The following ADAMTS17 variants were observed in gnomAD, a reference collection of about 807,000 sequenced individuals.
ADAMTS17 encodes A disintegrin and metalloproteinase with thrombospondin motifs 17.
In ADAMTS17, 113 loss-of-function variants were observed where a neutral mutation model predicts 141.5. That is an observed-to-expected ratio of 0.80 (90% CI 0.69 to 0.93). The LOEUF (loss-of-function observed/expected upper bound fraction) is 0.93, where lower values mean the gene tolerates loss of function less well. Ranked by LOEUF, ADAMTS17 falls within the 40% of genes least tolerant of loss-of-function variation. The pLI is 0.00. For synonymous variants in ADAMTS17, 768 were observed against 630.6 expected, an observed-to-expected ratio of 1.22 and a Z score of -3.27; for missense variants, 1,659 against 1,517.9, an observed-to-expected ratio of 1.09 and a Z score of -1.54.
chr15:100,060,591 C>A (rs1014159066), intron 15 of ADAMTS17, among the ~76,000 whole-genome samples: 1 of 152,178 alleles, frequency 6.6e-6, no homozygotes, highest in Non-Finnish European at 1.5e-5. Context: ...CACAGAAGCC[C>A]GAGTGGGGTT....
At chr15:100,174,946 T>C (rs2040284080) in intron 8 of ADAMTS17, among the ~76,000 whole-genome samples, 2 of 152,052 alleles carry the variant, frequency 1.3e-5, no homozygotes, top group Admixed American at 1.3e-4. Context: ...AGCCTCCCAG[T>C]GTCAATAAAG....
intron 3 of ADAMTS17, among the ~76,000 whole-genome samples, chr15:100,297,838 C>T (rs903653765): frequency 1.2e-4 from 18 of 152,110 alleles, no homozygotes; most frequent in African/African-American, 4.3e-4. Flanking sequence ...AACCACATGG[C>T]TAGATAGAAG....
chr15:99,986,090 A>C (rs1411675703), intron 20 of ADAMTS17, among the ~76,000 whole-genome samples: 1 of 151,524 alleles, frequency 6.6e-6, no homozygotes, highest in Non-Finnish European at 1.5e-5. Flanking sequence ...GGCTGAACTG[A>C]AGTGGCTTGG....
intron 21 of ADAMTS17, among the ~76,000 whole-genome samples, chr15:99,975,564 C>A (rs1446333599): frequency 6.6e-6 from 1 of 152,120 alleles, no homozygotes; most frequent in Non-Finnish European, 1.5e-5. Context: ...GGGGCATGAA[C>A]TGGTAAGAGG....
At chr15:100,034,425 C>T (rs2030498783) in intron 18 of ADAMTS17, among the ~76,000 whole-genome samples, 1 of 152,230 alleles carries the variant, frequency 6.6e-6, no homozygotes, top group Admixed American at 6.5e-5. Flanking sequence ...AGAGGCCTGG[C>T]CGGCCAACAA....
chr15:100,341,257 C>A lies in ADAMTS17; in HGVS notation c.232G>T (p.Glu78Ter). ...GGCAGGTGCAGCAGCAGGGCGCGCT[C>A]TCCGGGCCGGGCGCGCGGGGCGGCT... is the stretch of plus-strand genomic sequence containing the variant. ...PPAAPRARPGERALLLHLPAF... is the reference protein window; with the variant it reads ...PPAAPRARPG The change falls in exon 2 of 22, where the codon GAG becomes TAG. Residue 78 changes from glutamate (E) to a stop codon, truncating the protein, a stop_gained. Transcript: ENST00000268070. LOFTEE classifies it high-confidence loss of function. 7.6e-7 allele frequency: 1 copy of A among 1,314,366 alleles called. No individual in the cohort carries two copies. The highest frequency in any genetic ancestry group is 9.7e-7 in the Non-Finnish European group (1 of 1,030,922). 81.4% of individuals were successfully genotyped at this position (1,314,366 alleles called of 1,614,324 possible). A position where few individuals can be genotyped will look rare whatever the true frequency, so the allele number is the denominator to read the frequency against.
At chr15:100,122,406 T>C (rs185014943) in intron 12 of ADAMTS17, among the ~76,000 whole-genome samples, 14 of 152,296 alleles carry the variant, frequency 9.2e-5, no homozygotes, top group Admixed American at 3.9e-4. Context: ...TAATCCCCAA[T>C]TGCTATGCGG....
chr15:100,273,115 T>A (rs897955754), intron 4 of ADAMTS17, among the ~76,000 whole-genome samples: 2 of 152,186 alleles, frequency 1.3e-5, no homozygotes, highest in African/African-American at 4.8e-5. Context: ...TGAGGACTTT[T>A]ACGTCAATGA....
At chr15:100,334,235 C>A (rs761230886) in intron 2 of ADAMTS17, among the ~76,000 whole-genome samples, 1 of 152,190 alleles carries the variant, frequency 6.6e-6, no homozygotes, top group Non-Finnish European at 1.5e-5. Flanking sequence ...AACGTTAGCA[C>A]ATGTTCTCGG....
intron 15 of ADAMTS17, among the ~76,000 whole-genome samples, chr15:100,094,596 T>C (rs1357595958): frequency 6.6e-6 from 1 of 152,200 alleles, no homozygotes. Flanking sequence ...TTGCCCAGGG[T>C]TGGCGATGGG....
At chr15:99,982,400 C>G (rs1055457006) in intron 20 of ADAMTS17, among the ~76,000 whole-genome samples, 1 of 152,134 alleles carries the variant, frequency 6.6e-6, no homozygotes, top group African/African-American at 2.4e-5. Context: ...TCAGGGAGCA[C>G]AATTAGAGGC....
At chr15:100,219,752 C>T (rs2042075307) in intron 7 of ADAMTS17, among the ~76,000 whole-genome samples, 1 of 152,162 alleles carries the variant, frequency 6.6e-6, no homozygotes. Flanking sequence ...AAGTAAAAGG[C>T]CCCTTCATCT....
rs190417475 is a variant in ADAMTS17, at chr15:100,063,951, C to T, written c.2138-9897G>A. ...CCCCATTTCCAGAGAGCAGGATTTG[C>T]ACGTGTTTCAGGTTGAGTGGTGTCC... On this transcript the variant is annotated intron_variant, in intron 15 of 21. Coordinates refer to ENST00000268070, the MANE Select transcript of ADAMTS17 (RefSeq NM_139057.4). Among the ~76,000 whole-genome samples the T allele has an allele frequency of 3.0e-3, 464 of 152,252 alleles. 4 individuals carry two copies. The highest frequency in any genetic ancestry group is 0.011 in the African/African-American group (448 of 41,532).
chr15:100,202,361 C>T (rs924806330), intron 7 of ADAMTS17, among the ~76,000 whole-genome samples: 1 of 152,124 alleles, frequency 6.6e-6, no homozygotes, highest in Non-Finnish European at 1.5e-5. Flanking sequence ...AATGCTCTTG[C>T]ACAAAGGTGG....
intron 7 of ADAMTS17, among the ~76,000 whole-genome samples, chr15:100,212,010 A>T (rs2041824040): frequency 6.6e-6 from 1 of 152,094 alleles, no homozygotes; most frequent in Non-Finnish European, 1.5e-5. Context: ...TCCAGGCTGC[A>T]TTTCCATGCT....
intron 18 of ADAMTS17, among the ~76,000 whole-genome samples, chr15:100,025,802 A>G (rs1458686270): frequency 6.6e-6 from 1 of 152,220 alleles, no homozygotes; most frequent in East Asian, 1.9e-4. Context: ...GTATTTAATT[A>G]TAATTACTGT....
intron 7 of ADAMTS17, among the ~76,000 whole-genome samples, chr15:100,218,037 T>C (rs1191582101): frequency 6.6e-6 from 1 of 152,064 alleles, no homozygotes; most frequent in Non-Finnish European, 1.5e-5. Flanking sequence ...CACACCACCA[T>C]GCCCAGCTAA....
intron 3 of ADAMTS17, among the ~76,000 whole-genome samples, chr15:100,293,536 TGGACA>T (rs1392777372): frequency 6.6e-6 from 1 of 152,206 alleles, no homozygotes; most frequent in Non-Finnish European, 1.5e-5. Flanking sequence ...CAGAACAGAC[TGGACA>T]GAAGACTGGA....
intron 8 of ADAMTS17, among the ~76,000 whole-genome samples, chr15:100,184,230 G>C (rs377225823): frequency 3.9e-5 from 6 of 152,274 alleles, no homozygotes; most frequent in African/African-American, 1.4e-4. Flanking sequence ...CCATTGGCCA[G>C]GGAGAGCAGA....
Sources: gnomAD v4.1 joint callset for allele counts (sites outside exome capture counted in the v4.1 genomes callset) on GRCh38, gnomAD v4.1.1 for gene constraint, MANE v1.5 for transcripts, NCBI Gene and HGNC (gene_info 2026-07-23, HGNC 2026-07-21) for gene names.